RERG: variants seen among roughly 807,000 people sequenced by gnomAD.
RERG encodes the protein RAS like estrogen regulated growth inhibitor.
In RERG, 25 loss-of-function variants were observed where a neutral mutation model predicts 23.2. The observed-to-expected ratio is 1.08, with a 90% CI of 0.79 to 1.50. The LOEUF (loss-of-function observed/expected upper bound fraction) is 1.50, where lower values mean the gene tolerates loss of function less well. Ranked by LOEUF, RERG falls within the 40% of genes most tolerant of loss-of-function variation. The pLI, the probability that RERG is intolerant of heterozygous loss-of-function variation, is 0.00. For missense variants in RERG, 253 were observed against 250.1 expected, an observed-to-expected ratio of 1.01 and a Z score of -0.08; for synonymous variants, 81 against 89.1, an observed-to-expected ratio of 0.91 and a Z score of 0.51.
intron 2 of RERG, among the ~76,000 whole-genome samples, chr12:15,158,205 A>G (rs933873771): frequency 5.3e-5 from 8 of 152,146 alleles, no homozygotes; most frequent in African/African-American, 1.9e-4. Context: ...TCCAGAATCT[A>G]ATCTAGGACT....
chr12:15,149,148 C>A (rs966305104), intron 2 of RERG, among the ~76,000 whole-genome samples: 1 of 151,812 alleles, frequency 6.6e-6, no homozygotes, highest in Non-Finnish European at 1.5e-5. Context: ...GGATTACAGG[C>A]GTGAGCCACC....
chr12:15,209,615 G>T (rs1865340101), intron 2 of RERG, among the ~76,000 whole-genome samples: 1 of 152,086 alleles, frequency 6.6e-6, no homozygotes, highest in Non-Finnish European at 1.5e-5. Context: ...TATTTTGGTT[G>T]ATAACACACC....
intron 2 of RERG, among the ~76,000 whole-genome samples, chr12:15,210,304 C>T (rs1865349148): frequency 1.3e-5 from 2 of 152,164 alleles, no homozygotes; most frequent in Admixed American, 1.3e-4. Flanking sequence ...TGGTATTTAA[C>T]TACAGAAACA....
At chr12:15,155,448 T>C (rs1309833232) in intron 2 of RERG, among the ~76,000 whole-genome samples, 3 of 152,176 alleles carry the variant, frequency 2.0e-5, no homozygotes, top group Admixed American at 2.0e-4. Flanking sequence ...AAGTCTTGGC[T>C]CTCATCCACC....
intron 2 of RERG, among the ~76,000 whole-genome samples, chr12:15,188,542 C>T (rs1865024279): frequency 6.6e-6 from 1 of 152,062 alleles, no homozygotes; most frequent in Non-Finnish European, 1.5e-5. Flanking sequence ...CTGACTCCTG[C>T]CCTGGGCATG....
At chr12:15,160,460 A>G (rs546043217) in intron 2 of RERG, among the ~76,000 whole-genome samples, 6 of 152,308 alleles carry the variant, frequency 3.9e-5, no homozygotes, top group South Asian at 2.1e-4. Flanking sequence ...AAAGGAAACA[A>G]GAAGAAATCA....
intron 2 of RERG, among the ~76,000 whole-genome samples, chr12:15,153,848 C>T (rs1864480941): frequency 6.6e-6 from 1 of 152,090 alleles, no homozygotes; most frequent in African/African-American, 2.4e-5. Context: ...AAAATAAGAT[C>T]TTTGTTGATG....
At chr12:15,220,024 G>A (rs1450826444) in intron 1 of RERG, among the ~76,000 whole-genome samples, 5 of 152,188 alleles carry the variant, frequency 3.3e-5, no homozygotes, top group Admixed American at 3.3e-4. Flanking sequence ...AAAACTGACA[G>A]GAGTTCTTCA....
Position 15,217,456 on chromosome 12 carries a change from A to G in RERG, c.34T>C (p.Phe12Leu), listed in dbSNP as rs759849348. 18 of 1,613,598 alleles carry G rather than the reference A, an allele frequency of 1.1e-5. No homozygotes were observed. The African/African-American group carries it at 1.9e-4, about 17-fold the overall frequency. Residue 12 changes from phenylalanine to leucine, a missense_variant, in exon 2 of 5, where the codon TTT (phenylalanine) becomes CTT (leucine). Phe to Leu is a conservative substitution (Grantham distance 22). Transcript: ENST00000256953. ...AKSAEVKLAIFGRAGVGKSAL... is the reference protein window; with the variant it reads ...AKSAEVKLAILGRAGVGKSAL... ...GACTTGCCCACGCCTGCTCTCCCAA[A>G]TATTGCCAGTTTGACCTCCGCACTT... is the stretch of plus-strand genomic sequence containing the variant.
intron 2 of RERG, among the ~76,000 whole-genome samples, chr12:15,204,941 A>G (rs1400429704): frequency 6.6e-6 from 1 of 151,862 alleles, no homozygotes; most frequent in East Asian, 1.9e-4. Context: ...AAAAACAATA[A>G]TTCTAGGATC....
intron 2 of RERG, among the ~76,000 whole-genome samples, chr12:15,199,526 G>A (rs1319527994): frequency 6.6e-6 from 1 of 151,992 alleles, no homozygotes; most frequent in Non-Finnish European, 1.5e-5. Flanking sequence ...ACCACATATG[G>A]AGGAAAAAGC....
At chr12:15,133,112 T>C (rs1385806193) in intron 2 of RERG, among the ~76,000 whole-genome samples, 1 of 144,170 alleles carries the variant, frequency 6.9e-6, no homozygotes, top group Admixed American at 7.0e-5. Context: ...TAGTTTTTAC[T>C]ATGGTTCACT....
intron 2 of RERG, among the ~76,000 whole-genome samples, chr12:15,128,143 C>G (rs548414516): frequency 1.3e-5 from 2 of 152,100 alleles, no homozygotes; most frequent in Admixed American, 6.6e-5. Flanking sequence ...TATGGAGAAG[C>G]ATGCTTTGAG....
chr12:15,145,572 C>T (rs923823829), intron 2 of RERG, among the ~76,000 whole-genome samples: 13 of 152,182 alleles, frequency 8.5e-5, no homozygotes, highest in Non-Finnish European at 1.6e-4. Flanking sequence ...CCATCAGTCA[C>T]GGGACCTGTG....
chr12:15,115,259 A>G (rs979292848), intron 3 of RERG, among the ~76,000 whole-genome samples: 7 of 152,294 alleles, frequency 4.6e-5, no homozygotes, highest in Non-Finnish European at 8.8e-5. Flanking sequence ...CAAATATCCA[A>G]TGAAGTATAT....
Position 15,190,125 on chromosome 12 carries a change from A to G in RERG, c.61+27304T>C, listed in dbSNP as rs373982436. Among the ~76,000 whole-genome samples, 39 of 152,270 alleles carry G rather than the reference A, an allele frequency of 2.6e-4. 1 individual carries two copies. In the East Asian group the frequency reaches 6.6e-3, roughly 26 times the overall value. On this transcript the variant is annotated intron_variant, in intron 2 of 4. Transcript: ENST00000256953. ...GTAGATGAGGATAGCTTAAAGGCTTAAAGCAGCTTAGGCCTGTTGCTTCTG... is the reference window on the plus strand; with the variant it reads ...GTAGATGAGGATAGCTTAAAGGCTTGAAGCAGCTTAGGCCTGTTGCTTCTG...
chr12:15,129,882 A>G (rs1203490891), intron 2 of RERG, among the ~76,000 whole-genome samples: 1 of 152,104 alleles, frequency 6.6e-6, no homozygotes, highest in Non-Finnish European at 1.5e-5. Flanking sequence ...ATTTGATCTG[A>G]TCATCTTGGG....
chr12:15,212,458 T>A (rs1180809801), intron 2 of RERG, among the ~76,000 whole-genome samples: 1 of 152,196 alleles, frequency 6.6e-6, no homozygotes, highest in African/African-American at 2.4e-5. Context: ...ATATTAGGGA[T>A]TAATAGTAAG....
rs144769021 is a variant in RERG, at chr12:15,134,916, A to C, written c.62-13797T>G. Among the ~76,000 whole-genome samples, 59 of 152,218 alleles carry C rather than the reference A, an allele frequency of 3.9e-4. No individual in the cohort carries two copies. The East Asian group carries it at 0.011, about 28-fold the overall frequency. On this transcript the variant is annotated intron_variant, in intron 2 of 4. Coordinates refer to ENST00000256953, the MANE Select transcript of RERG (RefSeq NM_032918.3). ...ATGAGTCACCATGCCCAGCCTCCATATAAACTTTAGAATCAATTTGTTGAT... is the reference window on the plus strand; with the variant it reads ...ATGAGTCACCATGCCCAGCCTCCATCTAAACTTTAGAATCAATTTGTTGAT...
Sources: gnomAD v4.1 joint callset for allele counts (sites outside exome capture counted in the v4.1 genomes callset) on GRCh38, gnomAD v4.1.1 for gene constraint, MANE v1.5 for transcripts, NCBI Gene and HGNC (gene_info 2026-07-23, HGNC 2026-07-21) for gene names.